The following CDH13 variants were observed in gnomAD, a reference collection of about 807,000 sequenced individuals.
CDH13 encodes the protein cadherin-13.
Under a neutral mutation model 63.8 loss-of-function variants are expected in CDH13, and 24 were observed. The ratio of observed to expected loss-of-function variants is 0.38; its 90% CI spans 0.27 to 0.53. The LOEUF (loss-of-function observed/expected upper bound fraction) is 0.53. Among genes scored for constraint, CDH13 ranks in the 20% least tolerant of loss-of-function variants. The pLI, the probability that CDH13 is intolerant of heterozygous loss-of-function variation, is 0.85. For synonymous variants in CDH13, 503 were observed against 355.3 expected (o/e 1.42, Z -4.67); for missense variants, 1,049 against 903.1 (o/e 1.16, Z -2.07).
At chr16:82,964,118 G>C (rs1023816549) in intron 2 of CDH13, among the ~76,000 whole-genome samples, 4 of 152,106 alleles carry the variant, frequency 2.6e-5, no homozygotes, top group African/African-American at 9.7e-5. Flanking sequence ...ACGCCAAAGA[G>C]AAAAAGGAGT....
intron 1 of CDH13, among the ~76,000 whole-genome samples, chr16:82,647,641 C>G (rs1279011366): frequency 6.6e-6 from 1 of 152,130 alleles, no homozygotes; most frequent in Admixed American, 6.5e-5. Context: ...GGCATTGATT[C>G]AAAGCTGCCC....
At chr16:83,332,206 G>A (rs1156540227) in intron 5 of CDH13, among the ~76,000 whole-genome samples, 6 of 151,802 alleles carry the variant, frequency 4.0e-5, no homozygotes. Flanking sequence ...TATTTTAGTT[G>A]TTGTAAAACC....
At chr16:83,027,105 C>A (rs984666556) in intron 2 of CDH13, among the ~76,000 whole-genome samples, 1 of 100,688 alleles carries the variant, frequency 9.9e-6, no homozygotes, top group Admixed American at 1.0e-4. Context: ...AAGGGAGACC[C>A]CCCCCCCCCA....
chr16:82,939,189 T>A (rs2042756531), intron 2 of CDH13, among the ~76,000 whole-genome samples: 4 of 152,158 alleles, frequency 2.6e-5, no homozygotes, highest in African/African-American at 9.7e-5. Context: ...TTTCAGAGGC[T>A]GAGGCAGATG....
chr16:82,781,646 A>G (rs1257436224), intron 1 of CDH13, among the ~76,000 whole-genome samples: 1 of 152,094 alleles, frequency 6.6e-6, no homozygotes, highest in Non-Finnish European at 1.5e-5. Context: ...TCATCTACCT[A>G]TCAGTCCATC....
At chr16:82,988,956 T>C (rs531358992) in intron 2 of CDH13, among the ~76,000 whole-genome samples, 1 of 152,262 alleles carries the variant, frequency 6.6e-6, no homozygotes, top group African/African-American at 2.4e-5. Flanking sequence ...CATTTCTTTT[T>C]ATATCTCCAG....
chr16:82,918,067 A>G (rs2042047359), intron 2 of CDH13, among the ~76,000 whole-genome samples: 1 of 152,236 alleles, frequency 6.6e-6, no homozygotes, highest in Non-Finnish European at 1.5e-5. Flanking sequence ...TTGTTTTGGC[A>G]GTTGTGCACA....
chr16:83,691,417 G>A (rs978085776), intron 10 of CDH13, among the ~76,000 whole-genome samples: 1 of 152,102 alleles, frequency 6.6e-6, no homozygotes, highest in South Asian at 2.1e-4. Flanking sequence ...GTGAACGTAG[G>A]GCTGTGGCCA....
intron 1 of CDH13, among the ~76,000 whole-genome samples, chr16:82,654,706 A>G (rs139655162): frequency 6.6e-6 from 1 of 151,624 alleles, no homozygotes; most frequent in East Asian, 1.9e-4. Flanking sequence ...ATGCTGTACC[A>G]TCAAAGGAAC....
At chr16:83,284,676 C>T (rs1419131076) in intron 5 of CDH13, among the ~76,000 whole-genome samples, 6 of 151,436 alleles carry the variant, frequency 4.0e-5, no homozygotes, top group African/African-American at 1.2e-4. Context: ...CATAACATAG[C>T]GTAATATAAT....
At chr16:82,881,619 G>T (rs150260464) in intron 2 of CDH13, among the ~76,000 whole-genome samples, 1 of 152,180 alleles carries the variant, frequency 6.6e-6, no homozygotes, top group African/African-American at 2.4e-5. Context: ...TAGTCCTTCC[G>T]TCCTGAAAAG....
chr16:83,485,314 C>G (rs2073861107), intron 6 of CDH13, among the ~76,000 whole-genome samples: 1 of 152,220 alleles, frequency 6.6e-6, no homozygotes, highest in Admixed American at 6.5e-5. Flanking sequence ...CCCAATGGTC[C>G]TTGACAATGG....
intron 1 of CDH13, among the ~76,000 whole-genome samples, chr16:82,664,136 A>C (rs1912309157): frequency 2.0e-5 from 3 of 152,260 alleles, no homozygotes; most frequent in Admixed American, 2.0e-4. Flanking sequence ...GGGTTGAGGC[A>C]GTGCTCAGCA....
chr16:83,699,215 A>G (rs1905846823), intron 10 of CDH13, among the ~76,000 whole-genome samples: 1 of 152,252 alleles, frequency 6.6e-6, no homozygotes, highest in Admixed American at 6.5e-5. Flanking sequence ...CCCCAGTGGC[A>G]GCCCATTCAT....
chr16:83,009,926 G>C (rs1188348396), intron 2 of CDH13, among the ~76,000 whole-genome samples: 1 of 151,952 alleles, frequency 6.6e-6, no homozygotes, highest in Non-Finnish European at 1.5e-5. Flanking sequence ...CTGAGGTCGG[G>C]AGTTCTTGAC....
intron 10 of CDH13, among the ~76,000 whole-genome samples, chr16:83,738,356 G>A (rs1325623539): frequency 2.0e-5 from 3 of 152,194 alleles, no homozygotes; most frequent in South Asian, 2.1e-4. Context: ...TGTATACATC[G>A]ATACATAGGC....
chr16:82,711,387 C>G (rs953570306), intron 1 of CDH13, among the ~76,000 whole-genome samples: 1 of 152,034 alleles, frequency 6.6e-6, no homozygotes, highest in African/African-American at 2.4e-5. Flanking sequence ...AGCGGTGGCA[C>G]TTGGGATTCT....
intron 5 of CDH13, among the ~76,000 whole-genome samples, chr16:83,277,964 A>G (rs962994719): frequency 1.2e-4 from 18 of 152,200 alleles, no homozygotes; most frequent in African/African-American, 3.9e-4. Flanking sequence ...GTGAAATGCT[A>G]TATCAAGTAG....
chr16:82,669,094 A>G (rs192118966), intron 1 of CDH13, among the ~76,000 whole-genome samples: 3 of 152,334 alleles, frequency 2.0e-5, no homozygotes, highest in Admixed American at 1.3e-4. Context: ...AGAAGCCACA[A>G]ACTAGCATTT....
Sources: gnomAD v4.1 joint callset for allele counts (sites outside exome capture counted in the v4.1 genomes callset) on GRCh38, gnomAD v4.1.1 for gene constraint, MANE v1.5 for transcripts, NCBI Gene and HGNC (gene_info 2026-07-23, HGNC 2026-07-21) for gene names.